MMS22L: variants seen among roughly 807,000 people sequenced by gnomAD.
MMS22L encodes the protein protein MMS22-like.
Under a neutral mutation model 159.1 loss-of-function variants are expected in MMS22L, and 74 were observed. That is an observed-to-expected ratio of 0.47 (90% CI 0.39 to 0.56). The LOEUF (loss-of-function observed/expected upper bound fraction) is 0.56. MMS22L is among the 20% of genes least tolerant of loss of function. The pLI, the probability that MMS22L is intolerant of heterozygous loss-of-function variation, is 0.00. For synonymous variants in MMS22L, 517 were observed against 506.9 expected, an observed-to-expected ratio of 1.02 and a Z score of -0.27; for missense variants, 1,351 against 1,422.1, an observed-to-expected ratio of 0.95 and a Z score of 0.80.
chr6:97,183,319 C>T (rs1804912569), intron 15 of MMS22L, among the ~76,000 whole-genome samples: 1 of 152,116 alleles, frequency 6.6e-6, no homozygotes, highest in South Asian at 2.1e-4. Flanking sequence ...ATTTATACTA[C>T]CAACTCTTGC....
At chr6:97,184,089 C>T (rs1196459075) in intron 15 of MMS22L, among the ~76,000 whole-genome samples, 1 of 152,126 alleles carries the variant, frequency 6.6e-6, no homozygotes, top group Admixed American at 6.6e-5. Flanking sequence ...TCTTTCAGGT[C>T]ACCAGTGACT....
At chr6:97,245,872 CACACACACACACACACACAT>C (rs937957718) in intron 11 of MMS22L, 4 of 152,410 alleles carry the variant, frequency 2.6e-5, no homozygotes, top group Admixed American at 7.1e-5. Flanking sequence ...CACACACACA[CACACACACACACACACACAT>C]ATAAAGCAAT....
At chr6:97,265,454 G>A (rs1489712635) in intron 8 of MMS22L, 1 of 151,926 alleles carries the variant, frequency 6.6e-6, no homozygotes, top group Non-Finnish European at 1.5e-5. Flanking sequence ...TGATTTCTTG[G>A]ATATGACCCC....
In MMS22L at chr6:97,181,856, C is replaced by T. The variant is rs756198041; in HGVS notation, c.2384+48G>A. 2.6e-6 allele frequency: 4 copies of T among 1,563,526 alleles called. No individual in the cohort carries two copies. In the African/African-American group the frequency reaches 5.4e-5, roughly 21 times the overall value. On this transcript the variant is annotated intron_variant, in intron 16 of 24. Transcript: ENST00000683635. The stretch of plus-strand genomic sequence containing the variant: ...ATTCTTAGCTTCCTAGGATACTGAT[C>T]TGTCACAGGTTTGCATTAATGTGTA...
At chr6:97,247,652 A>C (rs1008776419) in intron 10 of MMS22L, among the ~76,000 whole-genome samples, 1 of 152,158 alleles carries the variant, frequency 6.6e-6, no homozygotes, top group African/African-American at 2.4e-5. Flanking sequence ...CAGGAGGTGT[A>C]GGTTGTAGTG....
At chr6:97,250,957 A>G (rs544201885) in intron 10 of MMS22L, among the ~76,000 whole-genome samples, 1 of 152,302 alleles carries the variant, frequency 6.6e-6, no homozygotes, top group East Asian at 1.9e-4. Flanking sequence ...TTATGTTAAT[A>G]TATCATAAGG....
chr6:97,173,418 T>C (rs1404594713), intron 18 of MMS22L, among the ~76,000 whole-genome samples, 196 bp from the exon 19 acceptor site: 2 of 152,144 alleles, frequency 1.3e-5, no homozygotes, highest in African/African-American at 2.4e-5. Context: ...TCTTTTATTA[T>C]TAAAATAAAG....
At chr6:97,152,193 A>C (rs1268351685) in intron 22 of MMS22L, among the ~76,000 whole-genome samples, 1 of 152,094 alleles carries the variant, frequency 6.6e-6, no homozygotes, top group African/African-American at 2.4e-5. Context: ...CGACAAAAGA[A>C]AGCCTTTACA....
rs142349845 is a variant in MMS22L at position 97,177,210 on chromosome 6, C to T, written c.2679+1233G>A. Among the ~76,000 whole-genome samples, 8 of 152,184 alleles carry T rather than the reference C, an allele frequency of 5.3e-5. No individual in the cohort carries two copies. The East Asian group carries it at 1.5e-3, about 29-fold the overall frequency. On this transcript the variant is annotated intron_variant, in intron 18 of 24. Transcript: ENST00000683635. ...AAATTATTTAACCAAATCATATCTA[C>T]TTAAAAACTTACAAAGCCTTCACAA... is the stretch of plus-strand genomic sequence containing the variant.
intron 12 of MMS22L, among the ~76,000 whole-genome samples, chr6:97,231,977 T>C (rs1397228435): frequency 6.6e-6 from 1 of 152,198 alleles, no homozygotes; most frequent in East Asian, 1.9e-4. Flanking sequence ...GTTTTTGTTA[T>C]ACCACTTGTT....
In MMS22L at chr6:97,185,243, T is replaced by A. The variant is rs151325598; in HGVS notation, c.2233+1254A>T. Among the ~76,000 whole-genome samples, 23 of 152,272 alleles carry A rather than the reference T, an allele frequency of 1.5e-4. 1 individual carries two copies. The East Asian group carries it at 3.1e-3, about 20-fold the overall frequency. ...GGTCTTCCTATGCCCCAACACTAGA[T>A]TATGAGCTCCATCAGAACAAGTATT... On this transcript the variant is annotated intron_variant, in intron 15 of 24. Transcript: ENST00000683635.
At position 97,205,239 on chromosome 6, in the gene MMS22L, G is replaced by A. The variant is rs1014891851; in HGVS notation, c.2040-18549C>T. On this transcript the variant is annotated intron_variant, in intron 14 of 24. Coordinates refer to ENST00000683635, the MANE Select transcript of MMS22L (RefSeq NM_001350599.2). ...ATTACAGGCATGAGCCACCATACTC[G>A]GCCACGTATTTTTTTTTTTAAGAGA... Among the ~76,000 whole-genome samples, 37 of 151,496 alleles carry A rather than the reference G, an allele frequency of 2.4e-4. 1 individual carries two copies. Among genetic ancestry groups the A allele is most frequent in the Non-Finnish European group, 1.5e-5 (1 of 67,850 alleles).
At chr6:97,198,046 G>A (rs1806730018) in intron 14 of MMS22L, among the ~76,000 whole-genome samples, 1 of 152,136 alleles carries the variant, frequency 6.6e-6, no homozygotes, top group African/African-American at 2.4e-5. Context: ...TGACCAAAGA[G>A]CACAGCAGAC....
rs928859780 is a variant in MMS22L, at chr6:97,222,926, A to C, written c.2039+5968T>G. On this transcript the variant is annotated intron_variant, in intron 14 of 24. Coordinates refer to ENST00000683635, the MANE Select transcript of MMS22L (RefSeq NM_001350599.2). ...ACTGCCATTTTTATATTAACCTCAAATAACAGCAAGTGAGAACTTAAAATG... is the reference window on the plus strand; with the variant it reads ...ACTGCCATTTTTATATTAACCTCAACTAACAGCAAGTGAGAACTTAAAATG... 7.2e-5 allele frequency among the ~76,000 whole-genome samples: 11 copies of C among 152,158 alleles called. 1 individual carries two copies. Among genetic ancestry groups the C allele is most frequent in the Non-Finnish European group, 1.5e-4 (10 of 67,970 alleles).
intron 19 of MMS22L, among the ~76,000 whole-genome samples, chr6:97,172,737 G>C (rs114038027): frequency 6.6e-6 from 1 of 151,994 alleles, no homozygotes; most frequent in East Asian, 1.9e-4. Context: ...ATAGATAAGC[G>C]TTTTTTTAAA....
intron 14 of MMS22L, among the ~76,000 whole-genome samples, chr6:97,222,784 T>C (rs551511284): frequency 6.7e-4 from 102 of 152,210 alleles, no homozygotes; most frequent in Admixed American, 1.3e-3. Flanking sequence ...AGCTGTGTTA[T>C]AAAACCCCGA....
intron 24 of MMS22L, among the ~76,000 whole-genome samples, chr6:97,149,562 T>C (rs1328092807): frequency 1.3e-5 from 2 of 152,166 alleles, no homozygotes; most frequent in Non-Finnish European, 2.9e-5. Flanking sequence ...TGAGGAACAC[T>C]GAAATGCGTT....
At chr6:97,197,041 T>C (rs1366989272) in intron 14 of MMS22L, among the ~76,000 whole-genome samples, 2 of 152,068 alleles carry the variant, frequency 1.3e-5, no homozygotes, top group Admixed American at 6.6e-5. Flanking sequence ...CAAGTTATAG[T>C]CCTGAAGTTA....
chr6:97,265,576 G>A (rs745581950), intron 8 of MMS22L: 2 of 152,076 alleles, frequency 1.3e-5, no homozygotes, highest in South Asian at 4.1e-4. Flanking sequence ...GGAAAATCTC[G>A]AGAATGGAAG....
Sources: gnomAD v4.1 joint callset for allele counts (sites outside exome capture counted in the v4.1 genomes callset) on GRCh38, gnomAD v4.1.1 for gene constraint, MANE v1.5 for transcripts, NCBI Gene and HGNC (gene_info 2026-07-23, HGNC 2026-07-21) for gene names.